Variants in MOB1B observed in about 807,000 individuals in gnomAD.
The protein encoded by MOB1B is MOB kinase activator 1B.
Under a neutral mutation model 24.4 loss-of-function variants are expected in MOB1B, and 19 were observed. The observed-to-expected ratio is 0.78, with a 90% CI of 0.54 to 1.14. The LOEUF (loss-of-function observed/expected upper bound fraction) is 1.14, where lower values mean the gene tolerates loss of function less well. MOB1B is among the 50% of genes most tolerant of loss of function. MOB1B has a pLI of 0.00. For synonymous variants in MOB1B, 76 were observed against 82.1 expected, an observed-to-expected ratio of 0.93 and a Z score of 0.40; for missense variants, 243 against 259.6, an observed-to-expected ratio of 0.94 and a Z score of 0.44.
intron 1 of MOB1B, among the ~76,000 whole-genome samples, chr4:70,928,274 A>C (rs1449084875): frequency 6.6e-6 from 1 of 151,692 alleles, no homozygotes; most frequent in African/African-American, 2.4e-5. Context: ...TTTCCTGACT[A>C]ATCAATGACA....
At position 70,982,223 on chromosome 4, in the gene MOB1B, A is replaced by G. The variant is rs1739238941; in HGVS notation, c.*166A>G. 1 of 517,144 alleles carries G rather than the reference A, an allele frequency of 1.9e-6. No homozygotes were observed. The highest frequency in any genetic ancestry group is 3.4e-6 in the Non-Finnish European group (1 of 291,798). 32.0% of individuals were successfully genotyped at this position (517,144 alleles called of 1,614,324 possible). On this transcript the variant is annotated 3_prime_UTR_variant, in exon 6 of 6. Coordinates refer to ENST00000309395, the MANE Select transcript of MOB1B (RefSeq NM_173468.4). Reference sequence around the variant, plus strand: ...TTCTGATTATGTGAAACCATATTCTATTGCTAGGGGAAGCCAAGAACCATT... The same window carrying G: ...TTCTGATTATGTGAAACCATATTCTGTTGCTAGGGGAAGCCAAGAACCATT...
chr4:70,909,000 G>A (rs1156357654), intron 1 of MOB1B, among the ~76,000 whole-genome samples: 1 of 150,452 alleles, frequency 6.6e-6, no homozygotes, highest in Non-Finnish European at 1.5e-5. Context: ...GCAGTGAGCC[G>A]AGATTGTGCC....
chr4:70,925,119 C>A (rs951828466), intron 1 of MOB1B, among the ~76,000 whole-genome samples: 3 of 152,158 alleles, frequency 2.0e-5, no homozygotes, highest in Non-Finnish European at 4.4e-5. Context: ...TCTGGGCTCA[C>A]TGCAACCTCC....
intron 3 of MOB1B, 41 bp from the exon 4 acceptor site, chr4:70,975,112 A>G (rs1738927321): frequency 6.6e-7 from 1 of 1,520,098 alleles, no homozygotes. Flanking sequence ...GTGTATAGGT[A>G]TATACTAATC....
At chr4:70,952,575 G>A (rs1002472366) in intron 1 of MOB1B, among the ~76,000 whole-genome samples, 14 of 149,840 alleles carry the variant, frequency 9.3e-5, no homozygotes, top group African/African-American at 1.7e-4. Context: ...CCCAGGAGGC[G>A]GAGCTTGCAG....
intron 1 of MOB1B, among the ~76,000 whole-genome samples, chr4:70,935,817 C>G (rs1352064681): frequency 1.3e-5 from 2 of 149,912 alleles, no homozygotes; most frequent in African/African-American, 2.5e-5. Context: ...GCTGGGACTA[C>G]AGGTGTGTAC....
intron 1 of MOB1B, among the ~76,000 whole-genome samples, chr4:70,954,787 G>A (rs1737972470): frequency 6.7e-6 from 1 of 150,084 alleles, no homozygotes; most frequent in South Asian, 2.1e-4. Flanking sequence ...GTCTCGCTCT[G>A]TCACCCAGGC....
At chr4:70,910,874 C>T (rs746587833) in intron 1 of MOB1B, among the ~76,000 whole-genome samples, 4 of 151,894 alleles carry the variant, frequency 2.6e-5, no homozygotes, top group African/African-American at 4.8e-5. Context: ...CTGCAACCTC[C>T]GCCTCCTGGA....
chr4:70,976,292 A>G (rs1738994770), intron 4 of MOB1B: 1 of 984,738 alleles, frequency 1.0e-6, no homozygotes. Flanking sequence ...AGTTGTATCT[A>G]CTTATTTAGG....
At chr4:70,906,144 G>A (rs921448787) in intron 1 of MOB1B, among the ~76,000 whole-genome samples, 16 of 152,198 alleles carry the variant, frequency 1.1e-4, no homozygotes, top group African/African-American at 3.6e-4. Context: ...TTGGGAGGCC[G>A]AGGTGGGTGG....
chr4:70,941,802 A>G (rs1166174563), intron 1 of MOB1B, among the ~76,000 whole-genome samples: 6 of 152,154 alleles, frequency 3.9e-5, no homozygotes, highest in African/African-American at 1.4e-4. Flanking sequence ...AAAGCTAATT[A>G]CTGAGATCAC....
At position 70,987,832 on chromosome 4, in the gene MOB1B, C is replaced by T. The variant is rs1313712347; in HGVS notation, c.*5775C>T. On this transcript the variant is annotated 3_prime_UTR_variant, in exon 6 of 6. Transcript: ENST00000309395. Reference sequence around the variant, plus strand: ...GAGTGCATAAAGACAGGGAACTACTCTCATGGAGACAGTTTCTCTCTTATA... The same window carrying T: ...GAGTGCATAAAGACAGGGAACTACTTTCATGGAGACAGTTTCTCTCTTATA... 1.3e-5 allele frequency: 2 copies of T among 152,564 alleles called. No individual in the cohort carries two copies. Among genetic ancestry groups the T allele is most frequent in the African/African-American group, 4.8e-5 (2 of 41,418 alleles). 9.5% of individuals were successfully genotyped at this position (152,564 alleles called of 1,614,324 possible).
intron 2 of MOB1B, among the ~76,000 whole-genome samples, chr4:70,969,553 A>G (rs1738671539): frequency 6.6e-6 from 1 of 152,180 alleles, no homozygotes; most frequent in African/African-American, 2.4e-5. Context: ...GATTACCAAC[A>G]TCTCTTCATA....
chr4:70,959,108 G>T, intron 2 of MOB1B, 68 bp downstream of exon 2: 3 of 1,313,016 alleles, frequency 2.3e-6, no homozygotes, highest in Non-Finnish European at 3.2e-6. Flanking sequence ...GGTGAGTGTT[G>T]GTGCTGTCCA....
chr4:70,961,636 A>T (rs1251609205), intron 2 of MOB1B, among the ~76,000 whole-genome samples: 1 of 152,236 alleles, frequency 6.6e-6, no homozygotes, highest in African/African-American at 2.4e-5. Context: ...GGACTGAAGC[A>T]TTAGAACATC....
At chr4:70,975,355 C>G in intron 4 of MOB1B, 69 bp downstream of exon 4, 2 of 1,576,426 alleles carry the variant, frequency 1.3e-6, no homozygotes, top group African/African-American at 1.4e-5. Flanking sequence ...ATTTTCCTCC[C>G]TCTTTCCACT....
In MOB1B at chr4:70,981,981, A is replaced by G; in HGVS notation, c.575A>G (p.Glu192Gly). Residue 192 changes from glutamate (E) to glycine (G), a missense_variant and splice_region_variant, in exon 6 of 6, where the codon GAA (glutamate) becomes GGA (glycine). Physicochemically the swap from Glu to Gly is moderately conservative, Grantham distance 98. Coordinates refer to ENST00000309395, the MANE Select transcript of MOB1B (RefSeq NM_173468.4). The stretch of plus-strand genomic sequence containing the variant: ...TGCCTTTCTTTATATCATGCATAGG[A>G]ATTCAACCTTATTGATAGAAGAGAA... ...SFKHFIFFVQ[E>G]FNLIDRRELA... 2 of 1,599,306 alleles carry G rather than the reference A, an allele frequency of 1.3e-6. No homozygotes were observed. Among genetic ancestry groups the G allele is most frequent in the Non-Finnish European group, 1.7e-6 (2 of 1,167,138 alleles).
chr4:70,909,372 G>A (rs1735887836), intron 1 of MOB1B, among the ~76,000 whole-genome samples: 1 of 152,004 alleles, frequency 6.6e-6, no homozygotes, highest in African/African-American at 2.4e-5. Flanking sequence ...GCCAGGTGTG[G>A]TAGCTCATGC....
In MOB1B at chr4:70,905,004, G is replaced by A. The variant is rs146535983; in HGVS notation, c.14+2454G>A. ...CTTTAGAGCATTTGCACTATTTGGG[G>A]CACAATTTTTCAGTTAGGTTATATC... is the stretch of plus-strand genomic sequence containing the variant. On this transcript the variant is annotated intron_variant, in intron 1 of 5. Transcript: ENST00000309395. 3.3e-5 allele frequency among the ~76,000 whole-genome samples: 5 copies of A among 152,124 alleles called. No individual in the cohort carries two copies. In the East Asian group the frequency reaches 7.7e-4, roughly 24 times the overall value.
Sources: allele counts gnomAD v4.1 joint callset (sites outside exome capture counted in the v4.1 genomes callset), GRCh38; gene constraint gnomAD v4.1.1; transcripts MANE v1.5; gene names NCBI Gene and HGNC (gene_info 2026-07-23, HGNC 2026-07-21).